IPO11: variants seen among roughly 807,000 people sequenced by gnomAD.
The protein encoded by IPO11 is importin-11.
In IPO11, 66 loss-of-function variants were observed where a neutral mutation model predicts 143.2. The observed-to-expected ratio is 0.46, with a 90% CI of 0.38 to 0.57. The LOEUF (loss-of-function observed/expected upper bound fraction) is 0.57, where lower values mean the gene tolerates loss of function less well. Among genes scored for constraint, IPO11 ranks in the 20% least tolerant of loss-of-function variants. IPO11 has a pLI of 0.00. For synonymous variants in IPO11, 385 were observed against 377.8 expected (o/e 1.02, Z -0.22); for missense variants, 1,026 against 1,141.0 (o/e 0.90, Z 1.45).
In IPO11 at chr5:62,470,280, T is replaced by C. The variant is rs1482508123; in HGVS notation, c.680T>C (p.Val227Ala). Residue 227 changes from valine to alanine, a missense_variant, in exon 7 of 30, where the codon GTG becomes GCG. Transcript: ENST00000325324. ...CGTAAGTTAACTGTTAATGGATTTGTGGAACCTCATAAGAATATGGAGGTG... is the reference window on the plus strand; with the variant it reads ...CGTAAGTTAACTGTTAATGGATTTGCGGAACCTCATAAGAATATGGAGGTG... ...VLRKLTVNGF[V>A]EPHKNMEVMG... 2 of 1,613,760 alleles carry C rather than the reference T, an allele frequency of 1.2e-6. No individual in the cohort carries two copies. The highest frequency in any genetic ancestry group is 1.7e-5 in the Admixed American group (1 of 59,996).
intron 5 of IPO11, among the ~76,000 whole-genome samples, chr5:62,455,687 C>T (rs571269399): frequency 3.9e-5 from 6 of 152,082 alleles, no homozygotes; most frequent in African/African-American, 7.2e-5. Context: ...TGACAAATTA[C>T]GAAATCAGCA....
intron 29 of IPO11, among the ~76,000 whole-genome samples, chr5:62,605,905 A>G (rs891087547): frequency 6.6e-6 from 1 of 151,792 alleles, no homozygotes; most frequent in Non-Finnish European, 1.5e-5. Context: ...TAATTTTTAC[A>G]TGTTTTGTAG....
intron 29 of IPO11, among the ~76,000 whole-genome samples, chr5:62,602,912 G>A (rs1428298802): frequency 1.3e-5 from 2 of 152,070 alleles, no homozygotes; most frequent in Non-Finnish European, 2.9e-5. Flanking sequence ...TGTGAAAAGC[G>A]GCAGAAATTG....
At chr5:62,553,292 T>A (rs2112352680) in intron 26 of IPO11, among the ~76,000 whole-genome samples, 1 of 152,054 alleles carries the variant, frequency 6.6e-6, no homozygotes, top group African/African-American at 2.4e-5. Context: ...CAGGAATTCA[T>A]TCTTTTTTGA....
At chr5:62,608,203 T>C (rs1745798716) in intron 29 of IPO11, among the ~76,000 whole-genome samples, 1 of 152,214 alleles carries the variant, frequency 6.6e-6, no homozygotes, top group African/African-American at 2.4e-5. Context: ...ATCATTCCTT[T>C]TCTTTTGGTA....
intron 27 of IPO11, among the ~76,000 whole-genome samples, chr5:62,566,507 C>G (rs959309687): frequency 6.6e-6 from 1 of 151,866 alleles, no homozygotes; most frequent in East Asian, 1.9e-4. Flanking sequence ...CCGAGGCAGG[C>G]AGATCACTTA....
chr5:62,505,011 A>G, intron 18 of IPO11, 113 bp downstream of exon 18: 1 of 571,990 alleles, frequency 1.7e-6, no homozygotes. Flanking sequence ...GTTGAATTTA[A>G]AAGTATGCTG....
At chr5:62,580,521 G>A in intron 27 of IPO11, 1 of 1,551,294 alleles carries the variant, frequency 6.4e-7, no homozygotes, top group Non-Finnish European at 8.7e-7. Flanking sequence ...CTAATCCTTG[G>A]GAATGTAACT....
chr5:62,579,047 A>T (rs1580345650), intron 27 of IPO11: 2 of 240,510 alleles, frequency 8.3e-6, no homozygotes, highest in East Asian at 2.4e-4. Flanking sequence ...TTCATAAATT[A>T]TAATGTTATT....
intron 28 of IPO11, among the ~76,000 whole-genome samples, chr5:62,598,586 C>T (rs1339953224): frequency 1.4e-5 from 2 of 139,380 alleles, no homozygotes; most frequent in African/African-American, 5.4e-5. Context: ...GCCCTGTTGC[C>T]CAGCCTGGAG....
At chr5:62,469,390 C>T (rs971533889) in intron 6 of IPO11, among the ~76,000 whole-genome samples, 3 of 152,142 alleles carry the variant, frequency 2.0e-5, no homozygotes, top group African/African-American at 4.8e-5. Flanking sequence ...ACTTACAAAC[C>T]GAAGGTCTAG....
chr5:62,420,796 G>A (rs1175238358), intron 1 of IPO11, among the ~76,000 whole-genome samples: 1 of 152,002 alleles, frequency 6.6e-6, no homozygotes, highest in South Asian at 2.1e-4. Flanking sequence ...GCCCAGGCTG[G>A]TCTTGAACTC....
Position 62,603,049 on chromosome 5 carries a change from T to G in IPO11, c.2763+1201T>G, listed in dbSNP as rs561230371. Reference sequence around the variant, plus strand: ...TCCTCATTTAACATCATTGATAGTTTCTTGGAAACTGTAACTTGAAGCAGA... The same window carrying G: ...TCCTCATTTAACATCATTGATAGTTGCTTGGAAACTGTAACTTGAAGCAGA... On this transcript the variant is annotated intron_variant, in intron 29 of 29. Coordinates refer to ENST00000325324, the MANE Select transcript of IPO11 (RefSeq NM_016338.5). Among the ~76,000 whole-genome samples, 22 of 152,308 alleles carry G rather than the reference T, an allele frequency of 1.4e-4. No individual in the cohort carries two copies. The South Asian group carries it at 3.9e-3, about 27-fold the overall frequency.
intron 27 of IPO11, among the ~76,000 whole-genome samples, chr5:62,585,364 G>A (rs1049564172): frequency 4.6e-5 from 7 of 152,126 alleles, no homozygotes; most frequent in Non-Finnish European, 7.4e-5. Context: ...CAGTGTTGTT[G>A]TTGTATTTGT....
chr5:62,447,802 G>A (rs1744773205), intron 3 of IPO11, among the ~76,000 whole-genome samples: 1 of 151,968 alleles, frequency 6.6e-6, no homozygotes, highest in African/African-American at 2.4e-5. Flanking sequence ...GATCAGACTG[G>A]TCTCGAACTC....
rs753763808 is a variant in IPO11, at chr5:62,461,552, T to G, written c.517-5579T>G. Among the ~76,000 whole-genome samples, 6 of 152,260 alleles carry G rather than the reference T, an allele frequency of 3.9e-5. No individual in the cohort carries two copies. The East Asian group carries it at 7.7e-4, about 20-fold the overall frequency. ...GAAAGATAGTGCCGTTGCTTCTTCA[T>G]TCCAGCCATTTGTGTAGAGACCTTT... On this transcript the variant is annotated intron_variant, in intron 5 of 29. Transcript: ENST00000325324.
intron 2 of IPO11, among the ~76,000 whole-genome samples, chr5:62,439,100 C>T (rs1476861634): frequency 6.6e-6 from 1 of 151,528 alleles, no homozygotes; most frequent in Non-Finnish European, 1.5e-5. Context: ...CTTTACTCTC[C>T]TTACGCTTAT....
At chr5:62,429,488 G>A (rs1008562609) in intron 1 of IPO11, among the ~76,000 whole-genome samples, 5 of 151,880 alleles carry the variant, frequency 3.3e-5, no homozygotes, top group African/African-American at 1.2e-4. Context: ...CGTGATCTTG[G>A]CTCACTGCAA....
intron 21 of IPO11, among the ~76,000 whole-genome samples, chr5:62,529,988 G>A (rs1423265736): frequency 6.6e-6 from 1 of 152,026 alleles, no homozygotes; most frequent in Non-Finnish European, 1.5e-5. Context: ...CTGCTAATGC[G>A]GTCAGATTGG....
Sources: allele counts gnomAD v4.1 joint callset (sites outside exome capture counted in the v4.1 genomes callset), GRCh38; gene constraint gnomAD v4.1.1; transcripts MANE v1.5; gene names NCBI Gene and HGNC (gene_info 2026-07-23, HGNC 2026-07-21).